Variants in NAV2 observed in about 807,000 individuals in gnomAD.
NAV2 encodes neuron navigator 2, also known as helicase, APC down-regulated 1.
Under a neutral mutation model 223.2 loss-of-function variants are expected in NAV2, and 54 were observed. The observed-to-expected ratio is 0.24, with a 90% CI of 0.19 to 0.30. The LOEUF is 0.30. Ranked by LOEUF, NAV2 falls within the 10% of genes least tolerant of loss-of-function variation. The pLI is 1.00. For missense variants in NAV2, 2,806 were observed against 3,147.5 expected (o/e 0.89, Z 2.60); for synonymous variants, 1,279 against 1,239.3 (o/e 1.03, Z -0.67).
chr11:19,641,314 A>T (rs780834406), intron 1 of NAV2, among the ~76,000 whole-genome samples: 3 of 152,108 alleles, frequency 2.0e-5, no homozygotes, highest in East Asian at 1.9e-4. Context: ...CAAGGCCATC[A>T]TGTCTGCCTA....
intron 1 of NAV2, among the ~76,000 whole-genome samples, chr11:19,781,022 T>C (rs1196308566): frequency 6.6e-6 from 1 of 152,240 alleles, no homozygotes; most frequent in Non-Finnish European, 1.5e-5. Context: ...CTAACATGTG[T>C]TGAACCTTTA....
chr11:19,793,736 T>G (rs1364056945), intron 1 of NAV2, among the ~76,000 whole-genome samples: 4 of 152,208 alleles, frequency 2.6e-5, no homozygotes, highest in African/African-American at 9.6e-5. Flanking sequence ...TAAAATCCGA[T>G]TCCCCTGTCC....
At chr11:19,871,424 C>A (rs1428191629) in intron 4 of NAV2, among the ~76,000 whole-genome samples, 1 of 152,084 alleles carries the variant, frequency 6.6e-6, no homozygotes, top group Non-Finnish European at 1.5e-5. Context: ...TGTGCCAGAG[C>A]CCCCAGGATT....
chr11:19,624,439 C>G (rs1411239282), intron 1 of NAV2, among the ~76,000 whole-genome samples: 1 of 152,216 alleles, frequency 6.6e-6, no homozygotes, highest in Non-Finnish European at 1.5e-5. Context: ...TTTACCTACT[C>G]AAGCCTCAGC....
intron 1 of NAV2, among the ~76,000 whole-genome samples, chr11:19,695,887 T>TAATAAAATAAAATAA (rs10522565): frequency 0.091 from 4,827 of 52,844 alleles, 266 homozygotes; most frequent in African/African-American, 0.14. Context: ...CTGGATGAAA[T>TAATAAAATAAAATAA]AATAAAATAA....
At chr11:20,114,943 A>G (rs776659813) in intron 37 of NAV2, 148 bp downstream of exon 37, 27 of 780,338 alleles carry the variant, frequency 3.5e-5, no homozygotes, top group Non-Finnish European at 4.2e-5. Flanking sequence ...ATTTTTGCCA[A>G]TATTTTCTTC....
intron 1 of NAV2, among the ~76,000 whole-genome samples, chr11:19,406,892 G>A (rs2060335211): frequency 6.6e-6 from 1 of 152,110 alleles, no homozygotes; most frequent in African/African-American, 2.4e-5. Flanking sequence ...CCAAACTTCT[G>A]GGCCACACAC....
intron 1 of NAV2, among the ~76,000 whole-genome samples, chr11:19,737,608 T>G (rs2052443364): frequency 6.6e-6 from 1 of 152,224 alleles, no homozygotes; most frequent in Non-Finnish European, 1.5e-5. Context: ...TCCAGTTCCA[T>G]GTCCCTATGC....
chr11:19,742,812 G>A (rs1476028038), intron 1 of NAV2, among the ~76,000 whole-genome samples: 1 of 152,242 alleles, frequency 6.6e-6, no homozygotes. Context: ...GCTGTACCTG[G>A]AAGGCACAGA....
chr11:19,795,628 T>C (rs1361054176), intron 1 of NAV2, among the ~76,000 whole-genome samples: 1 of 152,238 alleles, frequency 6.6e-6, no homozygotes, highest in Non-Finnish European at 1.5e-5. Flanking sequence ...CTAACTCTTA[T>C]TGATCAGAGA....
At chr11:19,383,507 C>T (rs1476848922) in intron 1 of NAV2, among the ~76,000 whole-genome samples, 1 of 152,150 alleles carries the variant, frequency 6.6e-6, no homozygotes, top group African/African-American at 2.4e-5. Context: ...AATATAGACC[C>T]TTTTTAAAAA....
intron 10 of NAV2, among the ~76,000 whole-genome samples, chr11:19,962,400 T>A (rs564546597): frequency 6.6e-6 from 1 of 152,118 alleles, no homozygotes; most frequent in African/African-American, 2.4e-5. Context: ...CCCAGCCAAG[T>A]TGACACATAA....
chr11:19,573,990 G>A (rs2045499897), intron 1 of NAV2, among the ~76,000 whole-genome samples: 1 of 152,180 alleles, frequency 6.6e-6, no homozygotes, highest in Admixed American at 6.5e-5. Context: ...CCTGGGGCAG[G>A]GCTCCTTCCA....
intron 3 of NAV2, among the ~76,000 whole-genome samples, chr11:19,860,036 G>A (rs1474784722): frequency 1.7e-5 from 2 of 119,640 alleles, no homozygotes; most frequent in African/African-American, 6.6e-5. Flanking sequence ...CTGGCCAGGC[G>A]GGGGGCTGAC....
chr11:19,622,448 G>A (rs1463887786), intron 1 of NAV2, among the ~76,000 whole-genome samples: 3 of 152,138 alleles, frequency 2.0e-5, no homozygotes, highest in Admixed American at 6.5e-5. Flanking sequence ...TCCTGTATTG[G>A]GTTGGTATAT....
At chr11:19,673,899 C>CTTCCTT (rs2048641283) in intron 1 of NAV2, among the ~76,000 whole-genome samples, 10 of 152,210 alleles carry the variant, frequency 6.6e-5, no homozygotes, top group Admixed American at 6.5e-4. Context: ...CCCACCTGCC[C>CTTCCTT]TTCCTTTTCC....
chr11:19,347,173 T>G (rs1357332466), upstream of NAV2, among the ~76,000 whole-genome samples: 2 of 152,212 alleles, frequency 1.3e-5, no homozygotes, highest in African/African-American at 4.8e-5. Flanking sequence ...TTGCCAAAGC[T>G]GGGCTCACAA....
intron 11 of NAV2, among the ~76,000 whole-genome samples, chr11:20,025,390 G>T (rs1051664038): frequency 6.6e-6 from 1 of 152,222 alleles, no homozygotes; most frequent in African/African-American, 2.4e-5. Flanking sequence ...TGAGTTTGTT[G>T]ATATCCTTGG....
intron 1 of NAV2, among the ~76,000 whole-genome samples, chr11:19,555,088 A>T (rs2044833153): frequency 6.6e-6 from 1 of 151,990 alleles, no homozygotes. Context: ...TTGAGTAAAC[A>T]AGATATGTGA....
Sources: allele counts gnomAD v4.1 joint callset (sites outside exome capture counted in the v4.1 genomes callset), GRCh38; gene constraint gnomAD v4.1.1; transcripts MANE v1.5; gene names NCBI Gene and HGNC (gene_info 2026-07-23, HGNC 2026-07-21).